Variants in TSHZ3 observed in about 807,000 individuals in gnomAD.
The protein encoded by TSHZ3 is teashirt homolog 3.
In TSHZ3, 10 loss-of-function variants were observed where a neutral mutation model predicts 64.5. The observed-to-expected ratio is 0.16, with a 90% CI of 0.10 to 0.26. The LOEUF (loss-of-function observed/expected upper bound fraction) is 0.26, where lower values mean the gene tolerates loss of function less well. Ranked by LOEUF, TSHZ3 falls within the 10% of genes least tolerant of loss-of-function variation. TSHZ3 has a pLI of 1.00. For missense variants in TSHZ3, 1,242 were observed against 1,421.7 expected (o/e 0.87, Z 2.03); for synonymous variants, 608 against 593.1 (o/e 1.03, Z -0.36).
At chr19:31,162,635 C>G (rs1432648836) in intron 5 of TSHZ3, among the ~76,000 whole-genome samples, 1 of 152,134 alleles carries the variant, frequency 6.6e-6, no homozygotes, top group African/African-American at 2.4e-5. Context: ...CCTCAGAATC[C>G]TTGTCAACTC....
At chr19:31,211,111 C>T (rs1975254928) in intron 4 of TSHZ3, among the ~76,000 whole-genome samples, 1 of 152,184 alleles carries the variant, frequency 6.6e-6, no homozygotes, top group African/African-American at 2.4e-5. Context: ...CTAATTATTG[C>T]TATTTTCAAA....
intron 4 of TSHZ3, among the ~76,000 whole-genome samples, chr19:31,225,902 G>A (rs1347075549): frequency 6.6e-6 from 1 of 152,168 alleles, no homozygotes; most frequent in African/African-American, 2.4e-5. Flanking sequence ...CAAGGTAGGT[G>A]GATTGCTTGA....
chr19:31,285,509 G>T (rs892152384), intron 1 of TSHZ3, among the ~76,000 whole-genome samples: 1 of 150,418 alleles, frequency 6.6e-6, no homozygotes, highest in African/African-American at 2.4e-5. Context: ...TAGGCCAGGC[G>T]TGGTGGCTTA....
At chr19:31,271,661 GTGTT>G (rs1403631600), downstream of TSHZ3, among the ~76,000 whole-genome samples, 1 of 152,174 alleles carries the variant, frequency 6.6e-6, no homozygotes, top group East Asian at 1.9e-4. Context: ...CACCTTTTCT[GTGTT>G]TTCTGAGGTC....
chr19:31,277,704 G>C lies in TSHZ3; in HGVS notation c.2089C>G (p.Pro697Ala), dbSNP rs757478276. 2.6e-6 allele frequency: 4 copies of C among 1,525,714 alleles called. No individual in the cohort carries two copies. The East Asian group carries it at 9.1e-5, about 35-fold the overall frequency. The allele number at this position is 1,525,714 out of a possible 1,614,324, so 94.5% of individuals were successfully genotyped here. Reference protein sequence around the residue: ...PVENGKELVKPLASSLSGSTA... With the variant: ...PVENGKELVKALASSLSGSTA... ...CTGCCACTCAAACTGCTGGCTAGGG[G>C]CTTCACCAGCTCCTTGCCATTCTCC... The change falls in exon 2 of 2, where the codon CCC becomes GCC. Residue 697 changes from proline (P) to alanine (A), a missense_variant. Coordinates refer to ENST00000240587, the MANE Select transcript of TSHZ3 (RefSeq NM_020856.4). This position sits in a 1 kb window ranked among gnomAD's most constrained non-coding sequence, Gnocchi z 4.5.
intron 1 of TSHZ3, among the ~76,000 whole-genome samples, chr19:31,261,649 G>A (rs540271219): frequency 6.6e-6 from 1 of 152,120 alleles, no homozygotes; most frequent in Non-Finnish European, 1.5e-5. Context: ...CACTCTGACC[G>A]TTGCCAAAAT....
At chr19:31,316,441 G>A (rs972963318) in intron 1 of TSHZ3, among the ~76,000 whole-genome samples, 2 of 152,158 alleles carry the variant, frequency 1.3e-5, no homozygotes, top group East Asian at 1.9e-4. Context: ...AAGATGAAGT[G>A]GTGTGTACGA....
intron 5 of TSHZ3, among the ~76,000 whole-genome samples, chr19:31,201,903 A>C (rs994012422): frequency 6.6e-6 from 1 of 152,248 alleles, no homozygotes; most frequent in African/African-American, 2.4e-5. Flanking sequence ...GCAGTGGCTC[A>C]TGCCTGTAAT....
At position 31,275,128 on chromosome 19, in the gene TSHZ3, A is replaced by C. The variant is rs955554115; in HGVS notation, c.*1419T>G. 2 of 152,586 alleles carry C rather than the reference A, an allele frequency of 1.3e-5. No individual in the cohort carries two copies. The highest frequency in any genetic ancestry group is 2.4e-5 in the African/African-American group (1 of 41,432). 9.5% of individuals were successfully genotyped at this position (152,586 alleles called of 1,614,324 possible). A position where few individuals can be genotyped will look rare whatever the true frequency, so the allele number is the denominator to read the frequency against. On this transcript the variant is annotated 3_prime_UTR_variant, in exon 2 of 2. Coordinates refer to ENST00000240587, the MANE Select transcript of TSHZ3 (RefSeq NM_020856.4). Reference sequence around the variant, plus strand: ...GTGTCAGCTGTCAGTTACTTCTGCAAATTAACTGCCAAAAATGGAGAAGAA... The same window carrying C: ...GTGTCAGCTGTCAGTTACTTCTGCACATTAACTGCCAAAAATGGAGAAGAA...
rs150495134 is a variant in TSHZ3 at position 31,235,766 on chromosome 19, A to C, written n.550+6503T>G. 9.2e-3 allele frequency among the ~76,000 whole-genome samples: 1,203 copies of C among 130,140 alleles called. 18 individuals carry two copies. Among genetic ancestry groups the C allele is most frequent in the African/African-American group, 0.034 (1,108 of 32,892 alleles). 85.4% of individuals were successfully genotyped at this position (130,140 alleles called of 152,430 possible). On this transcript the variant is annotated intron_variant and non_coding_transcript_variant, in intron 3 of 6. Coordinates refer to the TSHZ3 transcript ENST00000651361. ...CACTCTGTCGCCCAGGCTGGAGTGC[A>C]GTGGCACGATCTCTACTCACTGCAA...
intron 5 of TSHZ3, among the ~76,000 whole-genome samples, chr19:31,200,775 A>G (rs566588365): frequency 5.3e-5 from 8 of 152,308 alleles, no homozygotes; most frequent in African/African-American, 1.9e-4. Context: ...TAACAAATGC[A>G]TGCACCACCA....
intron 1 of TSHZ3, among the ~76,000 whole-genome samples, chr19:31,255,618 CTG>C: frequency 6.6e-6 from 1 of 152,242 alleles, no homozygotes; most frequent in South Asian, 2.1e-4. Context: ...CCCCAAGCGG[CTG>C]TGTGTGGTTT....
downstream of TSHZ3, among the ~76,000 whole-genome samples, chr19:31,271,520 T>C (rs1976138010): frequency 6.6e-6 from 1 of 152,156 alleles, no homozygotes; most frequent in African/African-American, 2.4e-5. Context: ...GAGCTTGTCT[T>C]CCCTGAAGCT....
intron 5 of TSHZ3, among the ~76,000 whole-genome samples, chr19:31,187,745 G>T (rs58934934): frequency 0.7 from 106,338 of 151,956 alleles, 37,425 homozygotes; most frequent in African/African-American, 0.78. Flanking sequence ...AATCAGTTGT[G>T]TGAATTTATT....
At chr19:31,164,473 C>T (rs994754992) in intron 5 of TSHZ3, among the ~76,000 whole-genome samples, 1 of 152,178 alleles carries the variant, frequency 6.6e-6, no homozygotes, top group African/African-American at 2.4e-5. Context: ...CACCTACAGC[C>T]TAGCACAGTG....
chr19:31,334,582 C>T (rs997571230), intron 1 of TSHZ3, among the ~76,000 whole-genome samples: 1 of 152,174 alleles, frequency 6.6e-6, no homozygotes, highest in African/African-American at 2.4e-5. Context: ...GGGGCTGAGC[C>T]TGCTTTGAGT....
chr19:31,157,845 A>C (rs1028624497), intron 5 of TSHZ3, among the ~76,000 whole-genome samples: 8 of 152,308 alleles, frequency 5.3e-5, no homozygotes, highest in Non-Finnish European at 1.2e-4. Flanking sequence ...TATGCTCCCA[A>C]GGGAGGTAGG....
chr19:31,177,343 G>C (rs944033726), intron 5 of TSHZ3, among the ~76,000 whole-genome samples: 5 of 152,208 alleles, frequency 3.3e-5, no homozygotes, highest in African/African-American at 1.2e-4. Flanking sequence ...TGATATAAGA[G>C]AATGGCCAGC....
intron 3 of TSHZ3, among the ~76,000 whole-genome samples, chr19:31,233,216 T>C (rs1008966435): frequency 2.0e-5 from 3 of 152,244 alleles, no homozygotes; most frequent in African/African-American, 7.2e-5. Context: ...TTCCAGTTGC[T>C]CAACATCCTT....
Sources: gnomAD v4.1 joint callset for allele counts (sites outside exome capture counted in the v4.1 genomes callset) on GRCh38, gnomAD v4.1.1 for gene constraint, Gnocchi (gnomAD v3.1) non-coding constraint, MANE v1.5 for transcripts, NCBI Gene and HGNC (gene_info 2026-07-23, HGNC 2026-07-21) for gene names.